Variants in DSP observed in about 807,000 individuals in gnomAD.
DSP encodes the protein desmoplakin, also known as 250/210 kDa paraneoplastic pemphigus antigen.
In DSP, 114 loss-of-function variants were observed where a neutral mutation model predicts 290.6. The observed-to-expected ratio is 0.39, with a 90% CI of 0.34 to 0.46. The LOEUF (loss-of-function observed/expected upper bound fraction) is 0.46. DSP is among the 20% of genes least tolerant of loss of function. The probability of loss-of-function intolerance (pLI) is 0.99; values close to 1 mark genes in which losing one functional copy is unlikely to be tolerated. For synonymous variants in DSP, 1,311 were observed against 1,316.4 expected (o/e 1.00, Z 0.09); for missense variants, 3,230 against 3,495.8 (o/e 0.92, Z 1.92).
rs373106650 is a variant in DSP, at chr6:7,574,610, C to A, written c.2298-47C>A. 19 of 1,613,360 alleles carry A rather than the reference C, an allele frequency of 1.2e-5. No individual in the cohort carries two copies. In the African/African-American group the frequency reaches 2.5e-4, roughly 22 times the overall value. ...GCTGTGAGAGGCAAATCTTCACAGA[C>A]TAATTATGTCACTGGCAATTTTATG... On this transcript the variant is annotated intron_variant, in intron 16 of 23. Coordinates refer to ENST00000379802, the MANE Select transcript of DSP (RefSeq NM_004415.4).
intron 8 of DSP, 81 bp downstream of exon 8, chr6:7,566,562 A>G: frequency 1.7e-6 from 2 of 1,152,570 alleles, no homozygotes; most frequent in Non-Finnish European, 2.5e-6. Flanking sequence ...AGTAATTCTT[A>G]TATGACTTAA....
chr6:7,565,525 G>A lies in DSP; in HGVS notation c.939+5G>A. ...CAGAAACAGGAGGCCTTCTCCGTAA[G>A]TTCACCCCACGCGGCTGTAGATGCT... On this transcript the variant is annotated splice_donor_5th_base_variant and intron_variant, in intron 7 of 23. Coordinates refer to ENST00000379802, the MANE Select transcript of DSP (RefSeq NM_004415.4). The surrounding 1 kb of genome is among the most constrained non-coding windows in gnomAD (Gnocchi z 4.2). 1 of 1,613,874 alleles carries A rather than the reference G, an allele frequency of 6.2e-7. No individual in the cohort carries two copies. Among genetic ancestry groups the A allele is most frequent in the African/African-American group, 1.3e-5 (1 of 75,006 alleles).
At position 7,583,892 on chromosome 6, in the gene DSP, C is replaced by A. The variant is rs746616373; in HGVS notation, c.6630C>A (p.Phe2210Leu). 6.2e-7 allele frequency: 1 copy of A among 1,614,098 alleles called. No homozygotes were observed. Among genetic ancestry groups the A allele is most frequent in the South Asian group, 1.1e-5 (1 of 91,078 alleles). Residue 2210 changes from phenylalanine (F) to leucine (L), a missense_variant, in exon 24 of 24, where the codon TTC (phenylalanine) becomes TTA (leucine). Phe to Leu is a conservative substitution (Grantham distance 22). This residue lies in a region of DSP where 207 missense variants were observed against 281.2 expected (regional missense o/e 0.74). Coordinates refer to ENST00000379802, the MANE Select transcript of DSP (RefSeq NM_004415.4). This position sits in a 1 kb window ranked among gnomAD's most constrained non-coding sequence, Gnocchi z 4.0. ...CAGTACAGAAGAGAAGCATGTCCTT[C>A]CAAGGAATCAGACAACCTGTGACCG... ...LLSVQKRSMSFQGIRQPVTVT... is the reference protein window; with the variant it reads ...LLSVQKRSMSLQGIRQPVTVT...
In DSP at chr6:7,579,836, A is replaced by G. The variant is rs199795359; in HGVS notation, c.3646A>G (p.Ile1216Val). The change falls in exon 23 of 24, where the codon ATT (isoleucine) becomes GTT (valine). Residue 1216 changes from isoleucine (I) to valine (V), a missense_variant. This residue lies in a region of DSP where 1,714 missense variants were observed against 1,844.5 expected (regional missense o/e 0.93). Coordinates refer to ENST00000379802, the MANE Select transcript of DSP (RefSeq NM_004415.4). The surrounding 1 kb of genome is among the most constrained non-coding windows in gnomAD (Gnocchi z 4.1). ...GAACAAGTATGAAACAGAGATTAACATTACGAAGACCACCATCAAGGAGAT... is the reference window on the plus strand; with the variant it reads ...GAACAAGTATGAAACAGAGATTAACGTTACGAAGACCACCATCAAGGAGAT... ...LRNKYETEIN[I>V]TKTTIKEISM... The G allele has an allele frequency of 3.5e-5, 57 of 1,614,176 alleles. No homozygotes were observed. The East Asian group carries it at 1.2e-3, about 35-fold the overall frequency.
At chr6:7,564,078 G>A (rs905847767) in intron 6 of DSP, among the ~76,000 whole-genome samples, 11 of 152,196 alleles carry the variant, frequency 7.2e-5, no homozygotes, top group African/African-American at 2.7e-4. Context: ...GATTACAGGC[G>A]TGAGCCACTG....
Position 7,541,886 on chromosome 6 carries a change from G to C in DSP, c.-30G>C. 3 of 1,597,804 alleles carry C rather than the reference G, an allele frequency of 1.9e-6. No individual in the cohort carries two copies. The highest frequency in any genetic ancestry group is 2.6e-6 in the Non-Finnish European group (3 of 1,174,524). On this transcript the variant is annotated 5_prime_UTR_variant, in exon 1 of 24. Transcript: ENST00000379802. ...CGGCCCGCCTCGCTTATGCCTCGGC[G>C]CTGAGCCGCTCTCCCGATTGCCCGC...
At chr6:7,563,809 T>G (rs779104522) in intron 6 of DSP, 23 bp downstream of exon 6, 1 of 1,607,568 alleles carries the variant, frequency 6.2e-7, no homozygotes, top group Admixed American at 1.7e-5. Context: ...ATTTCTCAAG[T>G]GCATCGACTT....
At position 7,578,533 on chromosome 6, in the gene DSP, G is replaced by C; in HGVS notation, c.3055G>C (p.Glu1019Gln). 6.2e-7 allele frequency: 1 copy of C among 1,613,732 alleles called. No individual in the cohort carries two copies. ...RSGDYYRFLS[E>Q]MLKSLEDLKL... The stretch of plus-strand genomic sequence containing the variant: ...TGGAGACTATTACAGGTTCTTAAGT[G>C]AGATGCTGAAGAGTTTGGAAGATCT... Residue 1019 changes from glutamate (E) to glutamine (Q), a missense_variant, in exon 22 of 24, where the codon GAG becomes CAG. By Grantham distance (29) the Glu-to-Gln change is conservative (BLOSUM62 2). Coordinates refer to ENST00000379802, the MANE Select transcript of DSP (RefSeq NM_004415.4).
At chr6:7,578,227 G>C (rs1356937564) in intron 21 of DSP, among the ~76,000 whole-genome samples, 2 of 152,192 alleles carry the variant, frequency 1.3e-5, no homozygotes, top group African/African-American at 4.8e-5. Flanking sequence ...AAAGATGTCA[G>C]AGACTATCGT....
intron 1 of DSP, among the ~76,000 whole-genome samples, chr6:7,550,167 C>T (rs1758293912): frequency 6.6e-6 from 1 of 151,986 alleles, no homozygotes. Flanking sequence ...CCATCTCAGC[C>T]TCCCGAGTAG....
At chr6:7,556,311 C>G (rs12198780) in intron 2 of DSP, among the ~76,000 whole-genome samples, 64,592 of 152,000 alleles carry the variant, frequency 0.42, 14,918 homozygotes, top group African/African-American at 0.57. Flanking sequence ...GGTAACATTT[C>G]TGAGAACCTT....
Position 7,581,122 on chromosome 6 carries a change from G to A in DSP, c.4932G>A (p.Leu1644=). Residue 1644 remains leucine (L), a synonymous_variant, in exon 23 of 24, where the codon CTG becomes CTA. Coordinates refer to ENST00000379802, the MANE Select transcript of DSP (RefSeq NM_004415.4). Reference sequence around the variant, plus strand: ...AGAGGGACGTGCTGGATGGCCACCTGAGGGAAAAGCAGAGGACCCAGGAAG... The same window carrying A: ...AGAGGGACGTGCTGGATGGCCACCTAAGGGAAAAGCAGAGGACCCAGGAAG... The part of the protein sequence containing the change: ...RQQRDVLDGH[L]REKQRTQEEL... 1 of 1,614,140 alleles carries A rather than the reference G, an allele frequency of 6.2e-7. No individual in the cohort carries two copies. Among genetic ancestry groups the A allele is most frequent in the East Asian group, 2.2e-5 (1 of 44,886 alleles).
intron 1 of DSP, among the ~76,000 whole-genome samples, chr6:7,551,706 A>G (rs987982987): frequency 6.6e-6 from 1 of 152,096 alleles, no homozygotes; most frequent in Admixed American, 6.5e-5. Flanking sequence ...CTACACATAC[A>G]GCTGGTGTAT....
chr6:7,548,414 G>A (rs574723971), intron 1 of DSP, among the ~76,000 whole-genome samples: 4 of 152,318 alleles, frequency 2.6e-5, no homozygotes, highest in African/African-American at 9.6e-5. Context: ...ACCTGTCACA[G>A]AGGCAGAAGC....
Position 7,580,582 on chromosome 6 carries a change from A to C in DSP, c.4392A>C (p.Arg1464Ser). 6.2e-7 allele frequency: 1 copy of C among 1,614,162 alleles called. No individual in the cohort carries two copies. Among genetic ancestry groups the C allele is most frequent in the Admixed American group, 1.7e-5 (1 of 60,026 alleles). Reference protein sequence around the residue: ...VTQMRTEESVRYKQSLDDAAK... With the variant: ...VTQMRTEESVSYKQSLDDAAK... ...AGATGCGAACAGAGGAGAGCGTAAG[A>C]TATAAGCAATCTCTTGATGATGCTG... Residue 1464 changes from arginine to serine, a missense_variant, in exon 23 of 24, where the codon AGA (arginine) becomes AGC (serine). Around this residue, in one of 5 missense-constraint regions of DSP, gnomAD observed 1,714 missense variants for 1,844.5 expected, o/e 0.93. Coordinates refer to ENST00000379802, the MANE Select transcript of DSP (RefSeq NM_004415.4). This position sits in a 1 kb window ranked among gnomAD's most constrained non-coding sequence, Gnocchi z 4.2.
chr6:7,581,940 A>G (rs979581184), intron 23 of DSP, among the ~76,000 whole-genome samples: 15 of 152,146 alleles, frequency 9.9e-5, no homozygotes, highest in African/African-American at 3.6e-4. Context: ...TAGAAGCCAT[A>G]CTAAAGTGTT....
intron 16 of DSP, 74 bp from the exon 17 acceptor site, chr6:7,574,583 T>C: frequency 1.3e-6 from 2 of 1,598,278 alleles, no homozygotes; most frequent in Admixed American, 3.3e-5. Context: ...CTTTCATTAC[T>C]AGCTGTGAGA....
Position 7,581,276 on chromosome 6 carries a change from T to C in DSP, c.5086T>C (p.Leu1696=). The change falls in exon 23 of 24, where the codon TTA becomes CTA. Residue 1696 remains leucine (L), a synonymous_variant. Coordinates refer to ENST00000379802, the MANE Select transcript of DSP (RefSeq NM_004415.4). ...QKAIEDKSRS[L]NESKIEIERL... ...GGCGATAGAAGATAAAAGCAGAAGCTTAAATGAAAGCAAAATAGAAATTGA... is the reference window on the plus strand; with the variant it reads ...GGCGATAGAAGATAAAAGCAGAAGCCTAAATGAAAGCAAAATAGAAATTGA... 1 of 1,614,024 alleles carries C rather than the reference T, an allele frequency of 6.2e-7. No homozygotes were observed. Among genetic ancestry groups the C allele is most frequent in the Non-Finnish European group, 8.5e-7 (1 of 1,180,024 alleles).
Position 7,581,188 on chromosome 6 carries a change from G to A in DSP, c.4998G>A (p.Arg1666=). 1.9e-6 allele frequency: 3 copies of A among 1,614,188 alleles called. No individual in the cohort carries two copies. The highest frequency in any genetic ancestry group is 2.5e-6 in the Non-Finnish European group (3 of 1,180,042). Residue 1666 remains arginine, a synonymous_variant, in exon 23 of 24, where the codon CGG becomes CGA. Coordinates refer to ENST00000379802, the MANE Select transcript of DSP (RefSeq NM_004415.4). ...RLSSEVEALR[R]QLLQEQESVK... Reference sequence around the variant, plus strand: ...CTTCTGAGGTCGAGGCCCTGAGGCGGCAGTTACTCCAGGAACAGGAAAGTG... The same window carrying A: ...CTTCTGAGGTCGAGGCCCTGAGGCGACAGTTACTCCAGGAACAGGAAAGTG...
Sources: gnomAD v4.1 joint callset for allele counts (sites outside exome capture counted in the v4.1 genomes callset) on GRCh38, gnomAD v4.1.1 for gene constraint, gnomAD v4.1.1 regional missense constraint, Gnocchi (gnomAD v3.1) non-coding constraint, MANE v1.5 for transcripts, NCBI Gene and HGNC (gene_info 2026-07-23, HGNC 2026-07-21) for gene names.